The following ZSCAN25 variants were observed in gnomAD, a reference collection of about 807,000 sequenced individuals.
The protein encoded by ZSCAN25 is zinc finger and SCAN domain-containing protein 25.
In ZSCAN25, 27 loss-of-function variants were observed where a neutral mutation model predicts 38.7. The observed-to-expected ratio is 0.70, with a 90% CI of 0.51 to 0.96. The LOEUF (loss-of-function observed/expected upper bound fraction) is 0.96. Ranked by LOEUF, ZSCAN25 falls within the 40% of genes least tolerant of loss-of-function variation. The probability of loss-of-function intolerance (pLI) is 0.00; values close to 1 mark genes in which losing one functional copy is unlikely to be tolerated. For synonymous variants in ZSCAN25, 273 were observed against 277.7 expected (o/e 0.98, Z 0.17); for missense variants, 637 against 705.9 (o/e 0.90, Z 1.11).
chr7:99,627,126 A>G (rs1042577731), intron 7 of ZSCAN25, among the ~76,000 whole-genome samples: 3 of 152,260 alleles, frequency 2.0e-5, no homozygotes, highest in Admixed American at 2.0e-4. Context: ...ATTTAGCTGT[A>G]TAATGTGTGT....
chr7:99,714,548 G>C, the ZSCAN25 span: 3 of 1,612,094 alleles, frequency 1.9e-6, no homozygotes, highest in South Asian at 3.3e-5. Flanking sequence ...CTACCACCAC[G>C]TTTTACCTTT....
At chr7:99,727,443 C>T in the ZSCAN25 span, among the ~76,000 whole-genome samples, 2 of 152,334 alleles carry the variant, frequency 1.3e-5, no homozygotes, top group South Asian at 4.1e-4. Context: ...GCAATACCCA[C>T]TCTCTGTTGA....
the ZSCAN25 span, among the ~76,000 whole-genome samples, chr7:99,700,681 G>A: frequency 2.0e-5 from 3 of 152,076 alleles, no homozygotes; most frequent in Non-Finnish European, 2.9e-5. Context: ...GCAGAGGTGA[G>A]TTCCTCAAGG....
rs763849131 is a variant in ZSCAN25, at chr7:99,621,449, G to C, written c.464G>C (p.Gly155Ala). ...RGAWEPGIQL[G>A]PVEVKPEWGM... ...GCTTGGGAGCCAGGCATCCAGCTGG[G>C]GCCAGTGGAGGTCAAGCCTGAATGG... The change falls in exon 5 of 8, where the codon GGG (glycine) becomes GCG (alanine). Residue 155 changes from glycine (G) to alanine (A), a missense_variant. Gly to Ala is a moderately conservative substitution (Grantham distance 60). Transcript: ENST00000394152. 5 of 1,560,458 alleles carry C rather than the reference G, an allele frequency of 3.2e-6. No individual in the cohort carries two copies. The highest frequency in any genetic ancestry group is 4.4e-6 in the Non-Finnish European group (5 of 1,148,722).
At chr7:99,648,501 AT>A in the ZSCAN25 span, 6 of 700,904 alleles carry the variant, frequency 8.6e-6, no homozygotes, top group Non-Finnish European at 9.2e-6. Flanking sequence ...CTTTGCAAGC[AT>A]ATAAAAACGA....
chr7:99,655,571 T>C, the ZSCAN25 span, among the ~76,000 whole-genome samples: 1 of 152,240 alleles, frequency 6.6e-6, no homozygotes, highest in Non-Finnish European at 1.5e-5. Flanking sequence ...GGCTCTTTTT[T>C]GGTTCCATAT....
At position 99,619,544 on chromosome 7, in the gene ZSCAN25, T is replaced by G; in HGVS notation, c.-46-17T>G. 6.6e-7 allele frequency: 1 copy of G among 1,526,442 alleles called. No individual in the cohort carries two copies. Among genetic ancestry groups the G allele is most frequent in the Non-Finnish European group, 8.8e-7 (1 of 1,134,886 alleles). 94.6% of individuals were successfully genotyped at this position (1,526,442 alleles called of 1,614,324 possible). Reference sequence around the variant, plus strand: ...CTGGGATGGGCTGACCTTTCATGTGTCTCTTGTTCTCAAAAGGGTCATTGA... The same window carrying G: ...CTGGGATGGGCTGACCTTTCATGTGGCTCTTGTTCTCAAAAGGGTCATTGA... On this transcript the variant is annotated splice_polypyrimidine_tract_variant and intron_variant, in intron 3 of 7. Transcript: ENST00000394152.
chr7:99,640,216 T>C, the ZSCAN25 span, among the ~76,000 whole-genome samples: 1 of 152,238 alleles, frequency 6.6e-6, no homozygotes, highest in Non-Finnish European at 1.5e-5. Flanking sequence ...TGGAGTGCAA[T>C]GGTGCGATCT....
the ZSCAN25 span, among the ~76,000 whole-genome samples, chr7:99,662,349 G>A: frequency 2.0e-5 from 3 of 152,184 alleles, no homozygotes; most frequent in Non-Finnish European, 4.4e-5. The surrounding 1 kb of genome is among the most constrained non-coding windows in gnomAD (Gnocchi z 4.3). Context: ...GGTATCAGAG[G>A]TGTCCCCCAT....
the ZSCAN25 span, among the ~76,000 whole-genome samples, chr7:99,727,706 G>A: frequency 2.0e-5 from 3 of 152,060 alleles, no homozygotes; most frequent in African/African-American, 7.2e-5. Flanking sequence ...CTATCATTGA[G>A]GCTACTGCTC....
the ZSCAN25 span, chr7:99,652,509 C>A: frequency 7.1e-7 from 1 of 1,404,952 alleles, no homozygotes; most frequent in Middle Eastern, 1.8e-4. Context: ...TATGCTTGAA[C>A]CAGCCTGGGT....
the ZSCAN25 span, among the ~76,000 whole-genome samples, chr7:99,697,982 C>T: frequency 1.3e-5 from 2 of 152,176 alleles, no homozygotes; most frequent in East Asian, 3.8e-4. Flanking sequence ...AGCACTGTCC[C>T]CCAAGGAAAG....
the ZSCAN25 span, chr7:99,710,985 C>T: frequency 2.5e-6 from 4 of 1,594,822 alleles, no homozygotes; most frequent in Non-Finnish European, 3.4e-6. Flanking sequence ...CCTTCAAATC[C>T]CCAGGGGAAA....
the ZSCAN25 span, among the ~76,000 whole-genome samples, chr7:99,673,325 T>A: frequency 6.6e-6 from 1 of 152,286 alleles, no homozygotes; most frequent in African/African-American, 2.4e-5. Flanking sequence ...AACACACCAC[T>A]GCACCTCATC....
the ZSCAN25 span, chr7:99,662,697 G>A: frequency 4.3e-6 from 4 of 923,296 alleles, no homozygotes; most frequent in South Asian, 3.0e-5. The surrounding 1 kb of genome is among the most constrained non-coding windows in gnomAD (Gnocchi z 4.3). Context: ...CTAAATGTGT[G>A]TTGTTCTGCT....
chr7:99,720,793 G>A, the ZSCAN25 span: 2 of 196,040 alleles, frequency 1.0e-5, no homozygotes, highest in African/African-American at 4.6e-5. Flanking sequence ...AAGAGTATTA[G>A]GTCCATGGAA....
At chr7:99,667,074 C>T in the ZSCAN25 span, 7 of 1,606,726 alleles carry the variant, frequency 4.4e-6, no homozygotes, top group African/African-American at 5.4e-5. Context: ...GACTAGAGTT[C>T]AACAGAAACA....
At chr7:99,720,110 T>C in the ZSCAN25 span, among the ~76,000 whole-genome samples, 1 of 152,226 alleles carries the variant, frequency 6.6e-6, no homozygotes, top group Non-Finnish European at 1.5e-5. Flanking sequence ...TCAATGTTAA[T>C]TTCCTGTACT....
chr7:99,635,123 A>G (rs369338991), downstream of ZSCAN25, among the ~76,000 whole-genome samples: 1 of 150,482 alleles, frequency 6.6e-6, no homozygotes, highest in Non-Finnish European at 1.5e-5. Context: ...TTTGTGCCAG[A>G]TAATTCTCTG....
Sources: gnomAD v4.1 joint callset for allele counts (sites outside exome capture counted in the v4.1 genomes callset) on GRCh38, gnomAD v4.1.1 for gene constraint, Gnocchi (gnomAD v3.1) non-coding constraint, MANE v1.5 for transcripts, NCBI Gene and HGNC (gene_info 2026-07-23, HGNC 2026-07-21) for gene names.